Variants in MAGI2 observed in about 807,000 individuals in gnomAD.
MAGI2 encodes membrane associated guanylate kinase, WW and PDZ domain containing 2.
In MAGI2, 35 loss-of-function variants were observed where a neutral mutation model predicts 133.3. The ratio of observed to expected loss-of-function variants is 0.26; its 90% confidence interval spans 0.20 to 0.35. The LOEUF (loss-of-function observed/expected upper bound fraction) is 0.35, where lower values mean the gene tolerates loss of function less well. MAGI2 is among the 10% of genes least tolerant of loss of function. The pLI is 1.00. For synonymous variants in MAGI2, 729 were observed against 710.6 expected (o/e 1.03, Z -0.41); for missense variants, 1,636 against 1,863.4 (o/e 0.88, Z 2.25).
chr7:78,294,762 T>G (rs55942413), intron 9 of MAGI2, among the ~76,000 whole-genome samples: 7,189 of 152,256 alleles, frequency 0.047, 239 homozygotes, highest in South Asian at 0.12. Flanking sequence ...AGTACGATGA[T>G]GGCCACAATA....
chr7:79,246,482 A>G (rs2129555366), intron 1 of MAGI2, among the ~76,000 whole-genome samples: 1 of 152,374 alleles, frequency 6.6e-6, no homozygotes, highest in Non-Finnish European at 1.5e-5. Flanking sequence ...TTAAGCAGAA[A>G]TTCTGGAGTT....
At chr7:79,056,260 T>G (rs976226764) in intron 1 of MAGI2, among the ~76,000 whole-genome samples, 3 of 152,110 alleles carry the variant, frequency 2.0e-5, no homozygotes, top group African/African-American at 7.2e-5. Flanking sequence ...TGGTTGCGCA[T>G]GCCCGTAGTC....
intron 2 of MAGI2, among the ~76,000 whole-genome samples, chr7:78,673,175 A>T (rs1814593230): frequency 6.6e-6 from 1 of 151,964 alleles, no homozygotes; most frequent in South Asian, 2.1e-4. Flanking sequence ...TTGGTGAGTA[A>T]CTCATTTCGT....
chr7:79,059,176 T>C lies in MAGI2; in HGVS notation c.302-51970A>G, dbSNP rs1337967064. On this transcript the variant is annotated intron_variant, in intron 1 of 21. Transcript: ENST00000354212. ...AATAATACAGAAAAGGATTCTCAAG[T>C]TACACACTCTCATAATATCCTGTGA... is the stretch of plus-strand genomic sequence containing the variant. Among the ~76,000 whole-genome samples the C allele has an allele frequency of 3.3e-5, 5 of 152,082 alleles. No homozygotes were observed. The East Asian group carries it at 9.6e-4, about 29-fold the overall frequency.
intron 1 of MAGI2, among the ~76,000 whole-genome samples, chr7:79,176,498 C>G (rs1311175725): frequency 6.6e-6 from 1 of 152,084 alleles, no homozygotes; most frequent in Non-Finnish European, 1.5e-5. Flanking sequence ...AGAACACTCT[C>G]TGGAACAATG....
intron 3 of MAGI2, among the ~76,000 whole-genome samples, chr7:78,553,491 T>A (rs1020650993): frequency 6.6e-6 from 1 of 152,184 alleles, no homozygotes; most frequent in Non-Finnish European, 1.5e-5. Context: ...GTGTTACTGG[T>A]GAAGGAAGAC....
At chr7:78,799,803 T>C (rs991737916) in intron 2 of MAGI2, among the ~76,000 whole-genome samples, 8 of 152,166 alleles carry the variant, frequency 5.3e-5, no homozygotes, top group African/African-American at 1.9e-4. Context: ...CCTGAGTATT[T>C]TGAGATTTTT....
chr7:79,359,239 C>T (rs2129120248), intron 1 of MAGI2, among the ~76,000 whole-genome samples: 1 of 151,896 alleles, frequency 6.6e-6, no homozygotes, highest in East Asian at 1.9e-4. Context: ...ATAGAATGGA[C>T]ATAAAAGAGA....
rs79205248 is a variant in MAGI2 at position 78,562,349 on chromosome 7, T to A, written c.539-40704A>T. ...AATGTGGCACAGATGTCCTATACAC[T>A]GTAGTAGAAAGGAAATGGTTTCCTT... On this transcript the variant is annotated intron_variant, in intron 3 of 21. Coordinates refer to ENST00000354212, the MANE Select transcript of MAGI2 (RefSeq NM_012301.4). 5.1e-3 allele frequency among the ~76,000 whole-genome samples: 776 copies of A among 152,336 alleles called. 14 individuals are homozygous for A. The highest frequency in any genetic ancestry group is 0.028 in the Admixed American group (428 of 15,300).
chr7:79,195,282 C>A (rs1374677179), intron 1 of MAGI2, among the ~76,000 whole-genome samples: 1 of 151,938 alleles, frequency 6.6e-6, no homozygotes, highest in East Asian at 1.9e-4. Flanking sequence ...ATCAGATGTT[C>A]ACCTATCCCG....
At chr7:78,289,910 T>C (rs1796527339) in intron 9 of MAGI2, among the ~76,000 whole-genome samples, 1 of 152,134 alleles carries the variant, frequency 6.6e-6, no homozygotes, top group Non-Finnish European at 1.5e-5. Flanking sequence ...CTGAGAGATT[T>C]TGTCACCACC....
intron 1 of MAGI2, chr7:79,354,201 G>A (rs954180703): frequency 1.1e-4 from 16 of 152,126 alleles, no homozygotes; most frequent in African/African-American, 3.6e-4. Context: ...CTCTGGGGTG[G>A]GGCTTTGTGA....
At chr7:79,214,759 G>A (rs1829869662) in intron 1 of MAGI2, among the ~76,000 whole-genome samples, 7 of 128,298 alleles carry the variant, frequency 5.5e-5, no homozygotes, top group African/African-American at 8.7e-5. Flanking sequence ...ATACATATAT[G>A]ATATATAAAT....
At chr7:79,149,701 T>C (rs1335132852) in intron 1 of MAGI2, among the ~76,000 whole-genome samples, 1 of 152,168 alleles carries the variant, frequency 6.6e-6, no homozygotes, top group Admixed American at 6.5e-5. Flanking sequence ...AACCTCAGGC[T>C]CAGAGCCTTA....
chr7:78,541,602 G>C (rs1798417992), intron 3 of MAGI2, among the ~76,000 whole-genome samples: 1 of 152,154 alleles, frequency 6.6e-6, no homozygotes, highest in South Asian at 2.1e-4. Flanking sequence ...TCAAAGTGTA[G>C]GCCCCAGAGC....
intron 21 of MAGI2, among the ~76,000 whole-genome samples, chr7:78,021,439 G>A (rs970453170): frequency 6.6e-6 from 1 of 152,146 alleles, no homozygotes; most frequent in Non-Finnish European, 1.5e-5. Flanking sequence ...CCTCTGTAAC[G>A]TGTCAGAGGC....
At chr7:79,402,662 C>A (rs1212337884) in intron 1 of MAGI2, among the ~76,000 whole-genome samples, 1 of 152,002 alleles carries the variant, frequency 6.6e-6, no homozygotes, top group Non-Finnish European at 1.5e-5. Flanking sequence ...CTATTTGTTT[C>A]ATTTAAAAAT....
intron 2 of MAGI2, among the ~76,000 whole-genome samples, chr7:78,920,804 C>T (rs142365337): frequency 9.8e-4 from 149 of 152,196 alleles, no homozygotes; most frequent in African/African-American, 3.5e-3. Context: ...GTATGCAGGA[C>T]GAACCACACC....
chr7:78,456,671 C>A (rs182435161), intron 6 of MAGI2, among the ~76,000 whole-genome samples: 57 of 152,230 alleles, frequency 3.7e-4, no homozygotes, highest in Middle Eastern at 3.4e-3. Context: ...ATACAAAATA[C>A]AGTGGTTTCA....
Sources: gnomAD v4.1 joint callset for allele counts (sites outside exome capture counted in the v4.1 genomes callset) on GRCh38, gnomAD v4.1.1 for gene constraint, MANE v1.5 for transcripts, NCBI Gene and HGNC (gene_info 2026-07-23, HGNC 2026-07-21) for gene names.